Variants in FKBP11 observed in about 807,000 individuals in gnomAD.
FKBP11 encodes the protein FKBP prolyl isomerase 11.
In FKBP11, 21 loss-of-function variants were observed where a neutral mutation model predicts 24.7. That is an observed-to-expected ratio of 0.85 (90% CI 0.60 to 1.23). FKBP11 has a LOEUF of 1.23. Ranked by LOEUF, FKBP11 falls within the 50% of genes most tolerant of loss-of-function variation. The pLI is 0.00. For synonymous variants in FKBP11, 106 were observed against 100.6 expected (o/e 1.05, Z -0.32); for missense variants, 245 against 248.7 (o/e 0.99, Z 0.10).
chr12:48,924,471 G>C (rs1321925701), intron 3 of FKBP11, 90 bp downstream of exon 3: 4 of 1,308,788 alleles, frequency 3.1e-6, no homozygotes, highest in Non-Finnish European at 4.4e-6. Context: ...ACTCATTTCA[G>C]GGGGGATTTC....
intron 5 of FKBP11, chr12:48,922,865 C>T (rs934917637): frequency 9.7e-7 from 1 of 1,031,296 alleles, no homozygotes; most frequent in African/African-American, 1.7e-5. Flanking sequence ...ATTAACGAGC[C>T]CAGCCAGGCG....
upstream of FKBP11, among the ~76,000 whole-genome samples, chr12:48,929,148 AG>A (rs1940018309): frequency 1.3e-5 from 2 of 151,642 alleles, no homozygotes; most frequent in South Asian, 2.1e-4. Context: ...ATCTTGTTTA[AG>A]AAAAGAAAAA....
At chr12:48,926,032 T>C (rs1939956947), upstream of FKBP11, 1 of 153,290 alleles carries the variant, frequency 6.5e-6, no homozygotes, top group Non-Finnish European at 1.5e-5. Flanking sequence ...TAGATCCAAG[T>C]ATCCGAAATA....
At chr12:48,925,017 G>GGC in intron 2 of FKBP11, 29 bp downstream of exon 2, 1 of 1,553,698 alleles carries the variant, frequency 6.4e-7, no homozygotes, top group South Asian at 1.1e-5. Context: ...CCCCTCCCAG[G>GGC]CCCCGCCCCG....
the FKBP11 span, among the ~76,000 whole-genome samples, chr12:48,932,259 ATATTTTTTT>A: frequency 3.5e-5 from 1 of 28,796 alleles, no homozygotes; most frequent in Non-Finnish European, 6.3e-5. Flanking sequence ...ATATATATAT[ATATTTTTTT>A]TTTTTTTTTT....
the FKBP11 span, among the ~76,000 whole-genome samples, chr12:48,932,227 T>TG: frequency 5.3e-5 from 2 of 37,736 alleles, no homozygotes; most frequent in East Asian, 1.4e-3. Context: ...AAACATATAT[T>TG]TATATATATA....
At chr12:48,929,821 C>T (rs921941764), upstream of FKBP11, among the ~76,000 whole-genome samples, 5 of 152,216 alleles carry the variant, frequency 3.3e-5, no homozygotes, top group South Asian at 2.1e-4. Context: ...AAACCTACAT[C>T]TTCTGTTTCC....
At chr12:48,922,245 T>C in intron 5 of FKBP11, 44 bp from the exon 6 acceptor site, 1 of 1,538,742 alleles carries the variant, frequency 6.5e-7, no homozygotes, top group South Asian at 1.2e-5. Flanking sequence ...CTCTGCATTT[T>C]ATCCAGGGCT....
At chr12:48,925,271 G>T (rs1337623809) in intron 1 of FKBP11, 29 bp downstream of exon 1, 6 of 1,607,824 alleles carry the variant, frequency 3.7e-6, no homozygotes, top group Non-Finnish European at 4.3e-6. Context: ...TCGGCCCACG[G>T]GGGCTGAGGG....
At chr12:48,932,260 T>A in the FKBP11 span, among the ~76,000 whole-genome samples, 1 of 24,940 alleles carries the variant, frequency 4.0e-5, no homozygotes, top group African/African-American at 1.4e-4. Context: ...TATATATATA[T>A]ATTTTTTTTT....
Position 48,924,611 on chromosome 12 carries a change from A to G in FKBP11, c.233T>C (p.Leu78Pro), listed in dbSNP as rs1939911814. The change falls in exon 3 of 6, where the codon CTG (leucine) becomes CCG (proline). Residue 78 changes from leucine (L) to proline (P), a missense_variant. Leu to Pro is a moderately conservative substitution (Grantham distance 98). Coordinates refer to ENST00000550765, the MANE Select transcript of FKBP11 (RefSeq NM_016594.3). ...LVDGRIIDTS[L>P]TRDPLVIELG... The stretch of plus-strand genomic sequence containing the variant: ...TTCTATAACCAGAGGGTCTCTGGTC[A>G]GGGAGGTGTCAATAATACGTCCATC... 8.7e-6 allele frequency: 14 copies of G among 1,614,108 alleles called. No individual in the cohort carries two copies. The highest frequency in any genetic ancestry group is 1.1e-5 in the Non-Finnish European group (13 of 1,180,004).
In FKBP11 at chr12:48,925,274, G is replaced by C. The variant is rs954246265; in HGVS notation, c.129+26C>G. 1.9e-6 allele frequency: 3 copies of C among 1,609,136 alleles called. No homozygotes were observed. In the African/African-American group the frequency reaches 4.0e-5, roughly 22 times the overall value. Reference sequence around the variant, plus strand: ...ACCCAACAAGGCTCGGCCCACGGGGGCTGAGGGTCGGGACTATCTCCTCAC... The same window carrying C: ...ACCCAACAAGGCTCGGCCCACGGGGCCTGAGGGTCGGGACTATCTCCTCAC... On this transcript the variant is annotated intron_variant, in intron 1 of 5. Coordinates refer to ENST00000550765, the MANE Select transcript of FKBP11 (RefSeq NM_016594.3).
At chr12:48,925,529 C>A, upstream of FKBP11, 1 of 1,390,710 alleles carries the variant, frequency 7.2e-7, no homozygotes, top group Non-Finnish European at 9.6e-7. Flanking sequence ...CTGGACGGGA[C>A]GGGGCGGGTC....
the FKBP11 span, chr12:48,938,697 C>T: frequency 1.5e-5 from 8 of 519,860 alleles, no homozygotes; most frequent in African/African-American, 3.9e-5. Context: ...CCCATGAAAC[C>T]GTAACAACTT....
chr12:48,934,501 A>G, the FKBP11 span, among the ~76,000 whole-genome samples: 1 of 152,144 alleles, frequency 6.6e-6, no homozygotes, highest in Non-Finnish European at 1.5e-5. Context: ...CCCTCAAAAG[A>G]ACTGGAAGGC....
chr12:48,922,563 G>A lies in FKBP11; in HGVS notation c.389-362C>T, dbSNP rs540847398. 22 of 1,010,024 alleles carry A rather than the reference G, an allele frequency of 2.2e-5. No homozygotes were observed. The East Asian group carries it at 1.9e-3, about 87-fold the overall frequency. The allele number at this position is 1,010,024 out of a possible 1,614,324, so 62.6% of individuals were successfully genotyped here. ...AAATAACCACACGGATAGAGTCTTT[G>A]CAGGGCTGAAATTAAATGGATTTAA... On this transcript the variant is annotated intron_variant, in intron 5 of 5. Transcript: ENST00000550765.
chr12:48,923,087 G>A (rs2137553503), intron 5 of FKBP11: 1 of 957,714 alleles, frequency 1.0e-6, no homozygotes. Context: ...GGCGGAGGTT[G>A]TGGTGAGTGA....
At chr12:48,932,248 TATATATA>T in the FKBP11 span, among the ~76,000 whole-genome samples, 3 of 36,612 alleles carry the variant, frequency 8.2e-5, no homozygotes, top group African/African-American at 3.2e-4. Context: ...TATATATATA[TATATATA>T]TATATATTTT....
At chr12:48,923,521 T>C in intron 5 of FKBP11, 5 of 1,551,184 alleles carry the variant, frequency 3.2e-6, no homozygotes, top group Non-Finnish European at 3.5e-6. Flanking sequence ...AGCAGACCCA[T>C]GTGGCCCAAG....
Sources: gnomAD v4.1 joint callset for allele counts (sites outside exome capture counted in the v4.1 genomes callset) on GRCh38, gnomAD v4.1.1 for gene constraint, MANE v1.5 for transcripts, NCBI Gene and HGNC (gene_info 2026-07-23, HGNC 2026-07-21) for gene names.